Variants in MAPKAP1 observed in about 807,000 individuals in gnomAD.
MAPKAP1 encodes the protein MAPK associated protein 1.
A neutral mutation model predicts 65.7 loss-of-function variants in MAPKAP1; 20 were observed. The ratio of observed to expected loss-of-function variants is 0.30; its 90% CI spans 0.21 to 0.44. The LOEUF (loss-of-function observed/expected upper bound fraction) is 0.44, where lower values mean the gene tolerates loss of function less well. Among genes scored for constraint, MAPKAP1 ranks in the 20% least tolerant of loss-of-function variants. MAPKAP1 has a pLI of 1.00. For missense variants in MAPKAP1, 423 were observed against 648.0 expected, an observed-to-expected ratio of 0.65 and a Z score of 3.77; for synonymous variants, 222 against 244.3, an observed-to-expected ratio of 0.91 and a Z score of 0.85.
At chr9:125,468,419 T>C (rs961124265) in intron 9 of MAPKAP1, among the ~76,000 whole-genome samples, 3 of 152,240 alleles carry the variant, frequency 2.0e-5, no homozygotes, top group African/African-American at 7.2e-5. Context: ...AGAGGCTATT[T>C]ACAGCCGTAC....
intron 6 of MAPKAP1, among the ~76,000 whole-genome samples, chr9:125,543,664 C>CGG (rs570362142): frequency 1.3e-5 from 2 of 151,954 alleles, no homozygotes; most frequent in Admixed American, 6.6e-5. Context: ...TGGTGGGTGG[C>CGG]GGGGGGGCAG....
Position 125,536,585 on chromosome 9 carries a change from T to TATTCATTCATTCATTCATTCATTC in MAPKAP1, c.958+6473_958+6474insGAATGAATGAATGAATGAATGAAT, listed in dbSNP as rs6151178. On this transcript the variant is annotated intron_variant, in intron 7 of 11. Coordinates refer to ENST00000265960, the MANE Select transcript of MAPKAP1 (RefSeq NM_001006617.3). ...CACTTAAACAGTTCTATTTTCCATT[T>TATTCATTCATTCATTCATTCATTC]ATTCATTCATTCATTCATTCAGTGT... is the stretch of plus-strand genomic sequence containing the variant. Among the ~76,000 whole-genome samples the TATTCATTCATTCATTCATTCATTC allele has an allele frequency of 2.5e-3, 377 of 151,728 alleles. 2 individuals carry two copies. Among genetic ancestry groups the TATTCATTCATTCATTCATTCATTC allele is most frequent in the Admixed American group, 6.4e-3 (97 of 15,230 alleles).
At chr9:125,667,225 T>G (rs1442527728) in intron 3 of MAPKAP1, among the ~76,000 whole-genome samples, 1 of 152,190 alleles carries the variant, frequency 6.6e-6, no homozygotes, top group African/African-American at 2.4e-5. Flanking sequence ...GCAAATAAAA[T>G]CCTCTATTTA....
intron 4 of MAPKAP1, among the ~76,000 whole-genome samples, chr9:125,651,758 G>A (rs1167407368): frequency 1.3e-5 from 2 of 152,180 alleles, no homozygotes; most frequent in Admixed American, 1.3e-4. Flanking sequence ...AGGAGCAGTG[G>A]TGGACTTTCC....
chr9:125,511,652 C>T (rs889450078), intron 7 of MAPKAP1, among the ~76,000 whole-genome samples: 3 of 152,108 alleles, frequency 2.0e-5, no homozygotes, highest in Non-Finnish European at 4.4e-5. Context: ...AAAGCCATTT[C>T]AAAAAGACAA....
At position 125,685,089 on chromosome 9, in the gene MAPKAP1, A is replaced by T. The variant is rs1023974901; in HGVS notation, c.-69-12446T>A. The stretch of plus-strand genomic sequence containing the variant: ...GTTTGTTGATTTTACTCATTCAACA[A>T]ATATTTACTGAATGCCTACTATGTG... On this transcript the variant is annotated intron_variant, in intron 1 of 11. Coordinates refer to ENST00000265960, the MANE Select transcript of MAPKAP1 (RefSeq NM_001006617.3). Among the ~76,000 whole-genome samples, 5 of 152,374 alleles carry T rather than the reference A, an allele frequency of 3.3e-5. No individual in the cohort carries two copies. In the South Asian group the frequency reaches 1.0e-3, roughly 32 times the overall value.
At chr9:125,476,180 G>A (rs1294064440) in intron 9 of MAPKAP1, among the ~76,000 whole-genome samples, 1 of 152,180 alleles carries the variant, frequency 6.6e-6, no homozygotes, top group East Asian at 1.9e-4. Context: ...TTTTCCCTAA[G>A]CCAATCACTG....
At chr9:125,566,017 A>T (rs1376688942) in intron 5 of MAPKAP1, among the ~76,000 whole-genome samples, 1 of 152,212 alleles carries the variant, frequency 6.6e-6, no homozygotes, top group East Asian at 1.9e-4. Context: ...GAGAAATCTA[A>T]CTTGGTGATT....
chr9:125,705,125 T>C (rs535121434), intron 1 of MAPKAP1, among the ~76,000 whole-genome samples: 157 of 152,326 alleles, frequency 1.0e-3, no homozygotes, highest in Middle Eastern at 3.4e-3. Flanking sequence ...TCTGTACCAT[T>C]CATTTTAACA....
chr9:125,679,822 AC>A (rs1331178153), intron 1 of MAPKAP1, among the ~76,000 whole-genome samples: 4 of 152,110 alleles, frequency 2.6e-5, no homozygotes, highest in African/African-American at 9.7e-5. Flanking sequence ...TCAAAACACT[AC>A]CCGCTCACTT....
At chr9:125,571,267 C>T (rs1244374092) in intron 5 of MAPKAP1, among the ~76,000 whole-genome samples, 1 of 152,086 alleles carries the variant, frequency 6.6e-6, no homozygotes, top group East Asian at 1.9e-4. Context: ...ACCAAATTTC[C>T]TTATCAATTG....
intron 10 of MAPKAP1, among the ~76,000 whole-genome samples, chr9:125,444,916 G>A (rs1053899656): frequency 2.6e-5 from 4 of 152,146 alleles, no homozygotes; most frequent in African/African-American, 9.7e-5. Flanking sequence ...AAGGGAGAAG[G>A]CTAATTAACT....
intron 4 of MAPKAP1, among the ~76,000 whole-genome samples, chr9:125,628,694 G>A (rs1367091976): frequency 2.0e-5 from 3 of 152,056 alleles, no homozygotes; most frequent in African/African-American, 4.8e-5. Context: ...AAAAGCATGG[G>A]TAATCAAAGC....
intron 4 of MAPKAP1, among the ~76,000 whole-genome samples, chr9:125,630,745 T>C (rs1335581108): frequency 6.6e-6 from 1 of 152,138 alleles, no homozygotes; most frequent in Non-Finnish European, 1.5e-5. Flanking sequence ...TGGGGCCTAA[T>C]GGGAGGTGTT....
intron 1 of MAPKAP1, among the ~76,000 whole-genome samples, chr9:125,695,772 A>G (rs1046624666): frequency 2.6e-5 from 4 of 151,530 alleles, no homozygotes; most frequent in African/African-American, 9.7e-5. Context: ...ATTGTTGCCC[A>G]GCCTGGAATG....
chr9:125,592,760 G>T (rs879573127), intron 4 of MAPKAP1, among the ~76,000 whole-genome samples: 1 of 151,746 alleles, frequency 6.6e-6, no homozygotes, highest in African/African-American at 2.4e-5. Context: ...AAAATTAGCC[G>T]GGCGTGGTGG....
intron 7 of MAPKAP1, among the ~76,000 whole-genome samples, chr9:125,533,126 G>A (rs908482822): frequency 7.9e-5 from 12 of 152,312 alleles, no homozygotes; most frequent in Non-Finnish European, 1.5e-4. Flanking sequence ...TTGGCAGGAA[G>A]TGAGGTGGGG....
chr9:125,549,522 T>A (rs191231720), intron 6 of MAPKAP1, among the ~76,000 whole-genome samples: 205 of 152,274 alleles, frequency 1.3e-3, no homozygotes, highest in African/African-American at 4.6e-3. Flanking sequence ...TGACCAAAAA[T>A]TTTTTTTAAA....
At chr9:125,476,038 A>G (rs1274389223) in intron 9 of MAPKAP1, among the ~76,000 whole-genome samples, 3 of 152,174 alleles carry the variant, frequency 2.0e-5, no homozygotes, top group Non-Finnish European at 2.9e-5. Context: ...GAGGAACCTG[A>G]CACATTGTCA....
Sources: allele counts gnomAD v4.1 joint callset (sites outside exome capture counted in the v4.1 genomes callset), GRCh38; gene constraint gnomAD v4.1.1; transcripts MANE v1.5; gene names NCBI Gene and HGNC (gene_info 2026-07-23, HGNC 2026-07-21).